The following SSPN variants were observed in gnomAD, a reference collection of about 807,000 sequenced individuals.
SSPN encodes sarcospan.
A neutral mutation model predicts 19.1 loss-of-function variants in SSPN; 15 were observed. The ratio of observed to expected loss-of-function variants is 0.78; its 90% confidence interval spans 0.52 to 1.21. The LOEUF is 1.21. Among genes scored for constraint, SSPN ranks in the 50% most tolerant of loss-of-function variants. SSPN has a pLI of 0.00. For synonymous variants in SSPN, 147 were observed against 140.3 expected, an observed-to-expected ratio of 1.05 and a Z score of -0.34; for missense variants, 291 against 314.0, an observed-to-expected ratio of 0.93 and a Z score of 0.55.
chr12:26,183,110 A>T (rs1158928445), intron 1 of SSPN, among the ~76,000 whole-genome samples: 1 of 152,118 alleles, frequency 6.6e-6, no homozygotes, highest in African/African-American at 2.4e-5. Context: ...CTATATGCCA[A>T]CCCTCTTCCT....
At chr12:26,225,627 T>C (rs1945168326) in intron 2 of SSPN, among the ~76,000 whole-genome samples, 1 of 152,094 alleles carries the variant, frequency 6.6e-6, no homozygotes. Context: ...TGCCTTCATT[T>C]GGAAATTATA....
chr12:26,140,562 G>T (rs1944454555), intron 1 of SSPN, among the ~76,000 whole-genome samples: 1 of 152,188 alleles, frequency 6.6e-6, no homozygotes. Flanking sequence ...GGGCCGCGGG[G>T]GAAGTGACTG....
chr12:26,179,174 G>A (rs1944702870), intron 1 of SSPN, among the ~76,000 whole-genome samples: 1 of 152,180 alleles, frequency 6.6e-6, no homozygotes, highest in East Asian at 1.9e-4. Flanking sequence ...GACGGGAAGA[G>A]GGGAGAAGAG....
chr12:26,194,024 TAG>T (rs1227993206), upstream of SSPN, among the ~76,000 whole-genome samples: 2 of 152,232 alleles, frequency 1.3e-5, no homozygotes, highest in Admixed American at 1.3e-4. Flanking sequence ...AATTTTCCAA[TAG>T]CAAACAAGCT....
chr12:26,193,272 C>A (rs957390109), upstream of SSPN, among the ~76,000 whole-genome samples: 1 of 152,162 alleles, frequency 6.6e-6, no homozygotes, highest in Non-Finnish European at 1.5e-5. Flanking sequence ...ATCCTTTAGA[C>A]CATTGGCTTT....
At chr12:26,198,175 GTT>G (rs147677931) in intron 1 of SSPN, among the ~76,000 whole-genome samples, 8 of 151,638 alleles carry the variant, frequency 5.3e-5, no homozygotes, top group East Asian at 2.0e-4. Flanking sequence ...TTGGGGGGGG[GTT>G]TTTGGAGACA....
intron 1 of SSPN, chr12:26,122,966 C>T (rs1381914274): frequency 1.9e-6 from 3 of 1,561,418 alleles, no homozygotes; most frequent in African/African-American, 1.4e-5. Context: ...TCAGAGGGAC[C>T]TGTTGAGTCA....
In SSPN at chr12:26,142,727, G is replaced by A. The variant is rs376649350; in HGVS notation, c.-31+20575G>A. On this transcript the variant is annotated intron_variant, in intron 1 of 2. Transcript: ENST00000538142. Reference sequence around the variant, plus strand: ...GACATGGAGATTAGAAGAGAAGTGGGTTGAGGATGGAATCCTGGGGAATAC... The same window carrying A: ...GACATGGAGATTAGAAGAGAAGTGGATTGAGGATGGAATCCTGGGGAATAC... Among the ~76,000 whole-genome samples the A allele has an allele frequency of 6.6e-5, 10 of 152,332 alleles. No homozygotes were observed. The East Asian group carries it at 1.3e-3, about 21-fold the overall frequency.
At chr12:26,168,752 C>T (rs948830227) in intron 1 of SSPN, among the ~76,000 whole-genome samples, 7 of 152,068 alleles carry the variant, frequency 4.6e-5, no homozygotes, top group East Asian at 1.9e-4. Context: ...GAGGAAAACA[C>T]GAGACACATT....
intron 2 of SSPN, among the ~76,000 whole-genome samples, chr12:26,224,910 C>G (rs1185474521): frequency 6.6e-6 from 1 of 152,008 alleles, no homozygotes; most frequent in Non-Finnish European, 1.5e-5. Flanking sequence ...TATCTTTTTT[C>G]TGTTAGGGAC....
At chr12:26,183,072 T>A (rs1944730247) in intron 1 of SSPN, among the ~76,000 whole-genome samples, 1 of 152,146 alleles carries the variant, frequency 6.6e-6, no homozygotes, top group Non-Finnish European at 1.5e-5. Context: ...AGCCTAAAAG[T>A]ACATACTTTA....
At chr12:26,211,220 G>A (rs1378723244) in intron 1 of SSPN, 3 of 152,088 alleles carry the variant, frequency 2.0e-5, no homozygotes, top group African/African-American at 7.2e-5. Context: ...TGTCTTTTGA[G>A]GATATAACTG....
chr12:26,141,679 T>G (rs929696939), intron 1 of SSPN, among the ~76,000 whole-genome samples: 3 of 152,250 alleles, frequency 2.0e-5, no homozygotes, highest in Non-Finnish European at 4.4e-5. Flanking sequence ...GAAATTGTCT[T>G]ACTAATTTGT....
In SSPN at chr12:26,124,772, T is replaced by A. The variant is rs775429463; in HGVS notation, c.-31+2620T>A. ...TCTCTCTTGCAAATGAGGAATTCCT[T>A]CGTCCATGTTCAACTGCTGTTCGTT... On this transcript the variant is annotated intron_variant, in intron 1 of 2. Transcript: ENST00000538142. 2.0e-5 allele frequency: 32 copies of A among 1,614,184 alleles called. No homozygotes were observed. Among genetic ancestry groups the A allele is most frequent in the Non-Finnish European group, 2.7e-5 (32 of 1,180,026 alleles).
intron 1 of SSPN, among the ~76,000 whole-genome samples, chr12:26,153,869 G>A (rs1254068303): frequency 6.6e-6 from 1 of 152,148 alleles, no homozygotes; most frequent in Non-Finnish European, 1.5e-5. Context: ...GTACCTTATG[G>A]TCCCTCCTGA....
intron 2 of SSPN, among the ~76,000 whole-genome samples, chr12:26,229,974 CA>C (rs1285892633): frequency 6.6e-6 from 1 of 152,186 alleles, no homozygotes; most frequent in Non-Finnish European, 1.5e-5. Context: ...CAGACTTTTT[CA>C]ATCCCAAAGC....
intron 1 of SSPN, chr12:26,122,585 G>A: frequency 9.0e-7 from 1 of 1,106,888 alleles, no homozygotes; most frequent in Non-Finnish European, 1.1e-6. Flanking sequence ...CGGCCGCGGC[G>A]GCAGGGTCGG....
At chr12:26,160,786 A>G (rs1944583097) in intron 1 of SSPN, among the ~76,000 whole-genome samples, 1 of 152,070 alleles carries the variant, frequency 6.6e-6, no homozygotes, top group South Asian at 2.1e-4. Flanking sequence ...GCCTATTCCT[A>G]ACACAGCAGT....
chr12:26,225,745 T>TAAAAAAAA, intron 2 of SSPN, among the ~76,000 whole-genome samples: 1 of 121,892 alleles, frequency 8.2e-6, no homozygotes, highest in Non-Finnish European at 1.7e-5. Context: ...GCTTGGTGAT[T>TAAAAAAAA]AAAAAAAAAA....
Sources: gnomAD v4.1 joint callset for allele counts (sites outside exome capture counted in the v4.1 genomes callset) on GRCh38, gnomAD v4.1.1 for gene constraint, MANE v1.5 for transcripts, NCBI Gene and HGNC (gene_info 2026-07-23, HGNC 2026-07-21) for gene names.